WDR72: variants seen among roughly 807,000 people sequenced by gnomAD.
WDR72 encodes WD repeat domain 72, also known as WD repeat-containing protein 72.
WDR72 carries 120 observed loss-of-function variants against 124.2 expected under a neutral mutation model. The ratio of observed to expected loss-of-function variants is 0.97; its 90% CI spans 0.83 to 1.12. The LOEUF is 1.12. Ranked by LOEUF, WDR72 falls within the 50% of genes most tolerant of loss-of-function variation. The pLI, the probability that WDR72 is intolerant of heterozygous loss-of-function variation, is 0.00. For missense variants in WDR72, 1,387 were observed against 1,278.8 expected, an observed-to-expected ratio of 1.08 and a Z score of -1.29; for synonymous variants, 452 against 441.7, an observed-to-expected ratio of 1.02 and a Z score of -0.29.
At chr15:53,559,021 A>G (rs1207680190) in intron 18 of WDR72, among the ~76,000 whole-genome samples, 1 of 152,064 alleles carries the variant, frequency 6.6e-6, no homozygotes, top group East Asian at 1.9e-4. Context: ...GCATACCTTG[A>G]AGCATCTCTT....
chr15:53,591,993 G>C (rs1297420955), intron 18 of WDR72, among the ~76,000 whole-genome samples: 1 of 151,920 alleles, frequency 6.6e-6, no homozygotes, highest in Admixed American at 6.6e-5. Flanking sequence ...CAGCACACCT[G>C]GAATACCACA....
intron 9 of WDR72, among the ~76,000 whole-genome samples, chr15:53,707,930 G>A (rs1193144086): frequency 6.6e-6 from 1 of 152,156 alleles, no homozygotes; most frequent in Non-Finnish European, 1.5e-5. Context: ...AGCTCCAAGA[G>A]GCTGCTGGGT....
chr15:53,538,430 C>T (rs528546698), intron 18 of WDR72, among the ~76,000 whole-genome samples: 11 of 152,240 alleles, frequency 7.2e-5, no homozygotes, highest in Non-Finnish European at 1.2e-4. Flanking sequence ...AGCTCAGCTC[C>T]GTCAATGGCA....
At chr15:53,733,232 A>C in intron 1 of WDR72, 71 bp from the exon 2 acceptor site, 1 of 1,544,720 alleles carries the variant, frequency 6.5e-7, no homozygotes, top group Non-Finnish European at 8.9e-7. Context: ...ATAATATTAC[A>C]AGCAGATTTA....
At chr15:53,706,162 A>G in intron 9 of WDR72, 88 bp from the exon 10 acceptor site, 1 of 1,355,910 alleles carries the variant, frequency 7.4e-7, no homozygotes, top group African/African-American at 1.4e-5. Context: ...AGACTTAATA[A>G]CTGAATAAAT....
At chr15:53,645,543 T>C (rs1204285736) in intron 14 of WDR72, among the ~76,000 whole-genome samples, 1 of 152,164 alleles carries the variant, frequency 6.6e-6, no homozygotes, top group Non-Finnish European at 1.5e-5. Flanking sequence ...ATGAAGGGTG[T>C]CATTTACTGT....
At chr15:53,680,553 A>G (rs1027917908) in intron 13 of WDR72, among the ~76,000 whole-genome samples, 2 of 152,218 alleles carry the variant, frequency 1.3e-5, no homozygotes, top group Admixed American at 1.3e-4. Context: ...GTGACCAAAG[A>G]AAGTTAACCT....
At chr15:53,545,506 A>G (rs1157647242) in intron 18 of WDR72, among the ~76,000 whole-genome samples, 4 of 151,404 alleles carry the variant, frequency 2.6e-5, no homozygotes, top group African/African-American at 7.3e-5. Flanking sequence ...TTATACAAAA[A>G]TCAATTCAAG....
chr15:53,579,082 T>C (rs1382646728), intron 18 of WDR72, among the ~76,000 whole-genome samples: 1 of 152,060 alleles, frequency 6.6e-6, no homozygotes, highest in African/African-American at 2.4e-5. Context: ...GGCCTGCTGC[T>C]GTGGTGAGCT....
In WDR72 at chr15:53,704,995, T is replaced by C. The variant is rs751472945; in HGVS notation, c.1341A>G (p.Leu447=). ...CAAATAAAATTCAAGGACCTTTTAC[T>C]AAAGAACCACCTTCCAGAAGTCTTG... ...AKARLLEGGS[L]VKDSPPHKVL... Residue 447 remains leucine, a synonymous_variant, in exon 11 of 20, where the codon TTA becomes TTG. Coordinates refer to ENST00000360509, the MANE Select transcript of WDR72 (RefSeq NM_182758.4). 1 of 1,613,878 alleles carries C rather than the reference T, an allele frequency of 6.2e-7. No homozygotes were observed. Among genetic ancestry groups the C allele is most frequent in the Non-Finnish European group, 8.5e-7 (1 of 1,179,980 alleles).
At chr15:53,662,766 C>T (rs1262445112) in intron 14 of WDR72, among the ~76,000 whole-genome samples, 1 of 151,986 alleles carries the variant, frequency 6.6e-6, no homozygotes, top group Non-Finnish European at 1.5e-5. Context: ...TTAAAGAAGA[C>T]TAAGATAAAG....
chr15:53,637,326 C>T (rs1301378934), intron 14 of WDR72, among the ~76,000 whole-genome samples: 4 of 152,106 alleles, frequency 2.6e-5, no homozygotes, highest in African/African-American at 4.8e-5. Context: ...TCTCTCCTTC[C>T]GCATCTTCAT....
chr15:53,555,637 G>A (rs140072560), intron 18 of WDR72, among the ~76,000 whole-genome samples: 13 of 151,730 alleles, frequency 8.6e-5, no homozygotes, highest in African/African-American at 2.7e-4. Flanking sequence ...TATTTCACTC[G>A]ACTCTCCTAC....
intron 18 of WDR72, among the ~76,000 whole-genome samples, chr15:53,582,039 T>C (rs2011955810): frequency 2.0e-5 from 3 of 152,100 alleles, no homozygotes; most frequent in South Asian, 4.1e-4. Context: ...CCAATTGTAA[T>C]ATATAAAATG....
chr15:53,556,638 T>C (rs1019439976), intron 18 of WDR72, among the ~76,000 whole-genome samples: 2 of 152,076 alleles, frequency 1.3e-5, no homozygotes, highest in African/African-American at 4.8e-5. Context: ...ATAAATATAA[T>C]TGCATTGGGA....
At chr15:53,748,947 T>TAG (rs2018708811) in intron 1 of WDR72, among the ~76,000 whole-genome samples, 3 of 152,174 alleles carry the variant, frequency 2.0e-5, no homozygotes, top group Non-Finnish European at 4.4e-5. Context: ...ATTCTAGGGA[T>TAG]GTAGACAAGA....
intron 13 of WDR72, chr15:53,684,575 G>A (rs903552034): frequency 3.1e-5 from 5 of 158,998 alleles, no homozygotes; most frequent in South Asian, 3.9e-4. Flanking sequence ...ATGGAGTCTC[G>A]CTGATTGCTA....
chr15:53,723,502 T>C (rs1009048746), intron 2 of WDR72, among the ~76,000 whole-genome samples: 1 of 152,166 alleles, frequency 6.6e-6, no homozygotes, highest in African/African-American at 2.4e-5. Context: ...CCCATGTTCA[T>C]TGTAGCATTA....
At chr15:53,691,537 T>A (rs1262794698) in intron 13 of WDR72, among the ~76,000 whole-genome samples, 3 of 152,218 alleles carry the variant, frequency 2.0e-5, no homozygotes, top group South Asian at 2.1e-4. Context: ...TTTTGTAAAC[T>A]TCATCTATTT....
Sources: allele counts gnomAD v4.1 joint callset (sites outside exome capture counted in the v4.1 genomes callset), GRCh38; gene constraint gnomAD v4.1.1; transcripts MANE v1.5; gene names NCBI Gene and HGNC (gene_info 2026-07-23, HGNC 2026-07-21).